The following UBTD2 variants were observed in gnomAD, a reference collection of about 807,000 sequenced individuals.
UBTD2 encodes the protein ubiquitin domain containing 2, also known as ubiquitin domain-containing protein 2.
In UBTD2, 9 loss-of-function variants were observed where a neutral mutation model predicts 19.8. The ratio of observed to expected loss-of-function variants is 0.46; its 90% CI spans 0.27 to 0.79. UBTD2 has a LOEUF of 0.79. Ranked by LOEUF, UBTD2 falls within the 30% of genes least tolerant of loss-of-function variation. The probability of loss-of-function intolerance (pLI) is 0.14; values close to 1 mark genes in which losing one functional copy is unlikely to be tolerated. For missense variants in UBTD2, 250 were observed against 300.4 expected (o/e 0.83, Z 1.24); for synonymous variants, 98 against 103.9 (o/e 0.94, Z 0.35).
chr5:172,255,090 G>C (rs760058980), intron 1 of UBTD2: 15 of 491,260 alleles, frequency 3.1e-5, no homozygotes, highest in Non-Finnish European at 5.2e-5. Context: ...CACGTCAAAA[G>C]GCTGCCAGCC....
At chr5:172,273,374 T>A (rs1311773621) in intron 1 of UBTD2, among the ~76,000 whole-genome samples, 1 of 152,056 alleles carries the variant, frequency 6.6e-6, no homozygotes, top group African/African-American at 2.4e-5. Flanking sequence ...GTGGATCACC[T>A]GAGGTTAGGA....
intron 1 of UBTD2, among the ~76,000 whole-genome samples, chr5:172,257,771 G>T (rs10058272): frequency 0.73 from 111,257 of 152,174 alleles, 42,004 homozygotes; most frequent in African/African-American, 0.93. Context: ...ATTAGTGATG[G>T]TGAGCATTTT....
intron 1 of UBTD2, among the ~76,000 whole-genome samples, chr5:172,235,539 C>T (rs1392395801): frequency 3.8e-5 from 5 of 130,442 alleles, no homozygotes; most frequent in African/African-American, 1.1e-4. Context: ...AGCTCCGAAC[C>T]ACAAGGAGCA....
At chr5:172,267,058 A>G (rs1006808971) in intron 1 of UBTD2, among the ~76,000 whole-genome samples, 3 of 151,650 alleles carry the variant, frequency 2.0e-5, no homozygotes. Flanking sequence ...AAAAAAAAAA[A>G]AAGTTTTTTC....
intron 1 of UBTD2, among the ~76,000 whole-genome samples, chr5:172,278,939 G>A (rs529560722): frequency 5.3e-5 from 8 of 152,046 alleles, no homozygotes; most frequent in South Asian, 4.2e-4. Context: ...CACCACACCC[G>A]GCTAATTTTT....
chr5:172,231,199 T>C (rs1425529203), intron 2 of UBTD2, among the ~76,000 whole-genome samples: 1 of 152,178 alleles, frequency 6.6e-6, no homozygotes, highest in African/African-American at 2.4e-5. Flanking sequence ...GATGGTGAGT[T>C]AGAGTACATG....
upstream of UBTD2, chr5:172,284,088 G>A (rs1410729845): frequency 6.6e-6 from 1 of 150,586 alleles, no homozygotes; most frequent in African/African-American, 2.4e-5. Flanking sequence ...CGCACCCACG[G>A]CCTGGGCTCG....
Position 172,283,537 on chromosome 5 carries a change from G to GTGGCCGGGCC in UBTD2, c.70+49_70+58dup. ...GCGCGGCCCGCGGGGGTCGGGACAGGTGGCCGGGCCTGGCCGGGAACAATG... is the reference window on the plus strand; with the variant it reads ...GCGCGGCCCGCGGGGGTCGGGACAGGTGGCCGGGCCTGGCCGGGCCTGGCCGGGAACAATG... On this transcript the variant is annotated intron_variant, in intron 1 of 2. Coordinates refer to ENST00000393792, the MANE Select transcript of UBTD2 (RefSeq NM_152277.3). The surrounding 1 kb of genome is among the most constrained non-coding windows in gnomAD (Gnocchi z 4.3). 1 of 1,246,112 alleles carries GTGGCCGGGCC rather than the reference G, an allele frequency of 8.0e-7. No individual in the cohort carries two copies. Among genetic ancestry groups the GTGGCCGGGCC allele is most frequent in the South Asian group, 3.1e-5 (1 of 32,298 alleles). 77.2% of individuals were successfully genotyped at this position (1,246,112 alleles called of 1,614,324 possible).
intron 1 of UBTD2, among the ~76,000 whole-genome samples, chr5:172,253,478 G>A (rs1303603619): frequency 7.0e-6 from 1 of 142,162 alleles, no homozygotes; most frequent in Non-Finnish European, 1.5e-5. Context: ...TTTTTGAGAT[G>A]GAGTCTCACT....
At chr5:172,218,790 T>TAAAAAAAAAAAA (rs1200379659) in intron 2 of UBTD2, among the ~76,000 whole-genome samples, 3 of 51,078 alleles carry the variant, frequency 5.9e-5, no homozygotes, top group Admixed American at 2.0e-4. Flanking sequence ...AAAAAAAAAA[T>TAAAAAAAAAAAA]AAAAAAATAA....
At chr5:172,213,189 C>A (rs1771483025) in intron 2 of UBTD2, among the ~76,000 whole-genome samples, 1 of 151,952 alleles carries the variant, frequency 6.6e-6, no homozygotes, top group African/African-American at 2.4e-5. Context: ...CAGGGTCTCA[C>A]CATGTTGGCC....
chr5:172,221,486 A>G (rs1441508408), intron 2 of UBTD2, among the ~76,000 whole-genome samples: 1 of 152,208 alleles, frequency 6.6e-6, no homozygotes, highest in Admixed American at 6.5e-5. Context: ...TGGGTGACAG[A>G]GTAAGACCCT....
chr5:172,242,541 A>G, intron 1 of UBTD2: 1 of 508,574 alleles, frequency 2.0e-6, no homozygotes, highest in Non-Finnish European at 2.5e-6. Flanking sequence ...ATAAATAGGA[A>G]GTTAGGTTTA....
intron 1 of UBTD2, among the ~76,000 whole-genome samples, chr5:172,261,348 G>C (rs1310102769): frequency 2.6e-5 from 4 of 152,184 alleles, no homozygotes; most frequent in African/African-American, 9.7e-5. Context: ...CACAGGCCTA[G>C]AAAAGCTTTA....
At chr5:172,231,525 T>A (rs1771898356) in intron 2 of UBTD2, among the ~76,000 whole-genome samples, 2 of 152,210 alleles carry the variant, frequency 1.3e-5, no homozygotes, top group Non-Finnish European at 2.9e-5. Context: ...TTTAGTGATC[T>A]GAGCCCACAT....
chr5:172,235,048 C>T (rs1346515528), intron 1 of UBTD2, among the ~76,000 whole-genome samples: 1 of 152,060 alleles, frequency 6.6e-6, no homozygotes, highest in African/African-American at 2.4e-5. Flanking sequence ...TCTGTACCTT[C>T]CTCTCAATTC....
rs187171048 is a variant in UBTD2, at chr5:172,244,398, G to A, written c.71-10040C>T. 4.5e-4 allele frequency among the ~76,000 whole-genome samples: 67 copies of A among 148,510 alleles called. 2 individuals carry two copies. In the East Asian group the frequency reaches 0.013, roughly 28 times the overall value. On this transcript the variant is annotated intron_variant, in intron 1 of 2. Coordinates refer to ENST00000393792, the MANE Select transcript of UBTD2 (RefSeq NM_152277.3). ...TACAACCTCTGCCTCCCAGGTGCAA[G>A]CAATTCTCCTGCCTCAGCCTCCGGG...
intron 2 of UBTD2, among the ~76,000 whole-genome samples, chr5:172,214,074 C>T (rs143311618): frequency 1.8e-3 from 272 of 152,314 alleles, no homozygotes; most frequent in Middle Eastern, 3.4e-3. Context: ...CGTGAGCCAC[C>T]GTGCCTGGCC....
chr5:172,217,161 C>T (rs941865385), intron 2 of UBTD2, among the ~76,000 whole-genome samples: 1 of 151,906 alleles, frequency 6.6e-6, no homozygotes. Flanking sequence ...CCTACAATCC[C>T]AGCACTTTGG....
Sources: gnomAD v4.1 joint callset for allele counts (sites outside exome capture counted in the v4.1 genomes callset) on GRCh38, gnomAD v4.1.1 for gene constraint, Gnocchi (gnomAD v3.1) non-coding constraint, MANE v1.5 for transcripts, NCBI Gene and HGNC (gene_info 2026-07-23, HGNC 2026-07-21) for gene names.